Variants in CDH3 observed in about 807,000 individuals in gnomAD.
CDH3 encodes cadherin-3.
In CDH3, 54 loss-of-function variants were observed where a neutral mutation model predicts 82.0. The observed-to-expected ratio is 0.66, with a 90% CI of 0.53 to 0.83. CDH3 has a LOEUF of 0.83. Ranked by LOEUF, CDH3 falls within the 40% of genes least tolerant of loss-of-function variation. The pLI is 0.00. For synonymous variants in CDH3, 446 were observed against 437.9 expected (o/e 1.02, Z -0.23); for missense variants, 1,054 against 1,084.6 (o/e 0.97, Z 0.40).
At position 68,684,809 on chromosome 16, in the gene CDH3, A is replaced by G; in HGVS notation, c.1409A>G (p.Glu470Gly). 6.2e-7 allele frequency: 1 copy of G among 1,614,210 alleles called. No individual in the cohort carries two copies. The highest frequency in any genetic ancestry group is 8.5e-7 in the Non-Finnish European group (1 of 1,180,046). ...TACACTGCAGAAGACCCTGACAAGG[A>G]GAATCAAAAGATCAGGTACTCAGGA... ...CVYTAEDPDK[E>G]NQKISYRILR... Residue 470 changes from glutamate (E) to glycine (G), a missense_variant, in exon 10 of 16, where the codon GAG (glutamate) becomes GGG (glycine). Physicochemically the swap from Glu to Gly is moderately conservative, Grantham distance 98. Coordinates refer to ENST00000264012, the MANE Select transcript of CDH3 (RefSeq NM_001793.6).
chr16:68,691,497 G>T (rs1961572638), intron 12 of CDH3, among the ~76,000 whole-genome samples: 1 of 152,122 alleles, frequency 6.6e-6, no homozygotes, highest in Non-Finnish European at 1.5e-5. Context: ...TTTTTTAAAA[G>T]TAAAATGACA....
intron 2 of CDH3, among the ~76,000 whole-genome samples, chr16:68,672,538 A>G (rs2152097440): frequency 6.6e-6 from 1 of 152,314 alleles, no homozygotes; most frequent in Middle Eastern, 3.4e-3. Flanking sequence ...ATGAGTCTAC[A>G]AAGCTGTGTG....
At chr16:68,722,412 G>T (rs1482391666) in intron 1 of CDH3, 1 of 152,178 alleles carries the variant, frequency 6.6e-6, no homozygotes, top group African/African-American at 2.4e-5. Flanking sequence ...TGGAACCCTT[G>T]TCCTTTGCCC....
intron 1 of CDH3, among the ~76,000 whole-genome samples, chr16:68,712,115 G>T (rs1195849700): frequency 7.1e-6 from 1 of 140,662 alleles, no homozygotes; most frequent in Non-Finnish European, 1.5e-5. Context: ...CCAGCTCACT[G>T]CAGCCTCAAC....
At chr16:68,663,797 C>A (rs1201256028) in intron 2 of CDH3, among the ~76,000 whole-genome samples, 2 of 151,566 alleles carry the variant, frequency 1.3e-5, no homozygotes, top group Non-Finnish European at 2.9e-5. Context: ...TTTTTTTAAT[C>A]AGATATTTTA....
At chr16:68,687,100 A>G (rs183608111) in intron 11 of CDH3, among the ~76,000 whole-genome samples, 30 of 152,344 alleles carry the variant, frequency 2.0e-4, no homozygotes, top group African/African-American at 7.2e-4. Context: ...ATGACAGATT[A>G]GTGATGCCAC....
At chr16:68,653,250 TA>T (rs371130758) in intron 2 of CDH3, among the ~76,000 whole-genome samples, 32,761 of 150,710 alleles carry the variant, frequency 0.22, 3,865 homozygotes, top group African/African-American at 0.27. Flanking sequence ...TATTTTATTT[TA>T]TTTTTGAGAC....
In CDH3 at chr16:68,698,265, C is replaced by G. The variant is rs367881003; in HGVS notation, c.2355C>G (p.Ser785Arg). The G allele has an allele frequency of 2.5e-6, 4 of 1,614,230 alleles. No homozygotes were observed. Among genetic ancestry groups the G allele is most frequent in the Non-Finnish European group, 3.4e-6 (4 of 1,180,034 alleles). ...DTLLVFDYEG[S>R]GSDAASLSSL... ...TCTTGGTGTTCGACTATGAGGGCAG[C>G]GGCTCCGACGCCGCGTCCCTGAGCT... Residue 785 changes from serine to arginine, a missense_variant, in exon 16 of 16, where the codon AGC becomes AGG. By Grantham distance (110) the Ser-to-Arg change is moderately radical. Coordinates refer to ENST00000264012, the MANE Select transcript of CDH3 (RefSeq NM_001793.6).
At chr16:68,726,433 C>T (rs139326391) in intron 2 of CDH3, among the ~76,000 whole-genome samples, 144 of 152,200 alleles carry the variant, frequency 9.5e-4, no homozygotes, top group African/African-American at 3.4e-3. Flanking sequence ...CTATTTCTTG[C>T]TAAATTAAGC....
intron 5 of CDH3, 22 bp from the exon 6 acceptor site, chr16:68,678,740 C>T: frequency 1.2e-6 from 2 of 1,614,148 alleles, no homozygotes; most frequent in Non-Finnish European, 1.7e-6. Context: ...CCGGGCTGAC[C>T]CCAGAGCTGT....
At chr16:68,657,758 G>A (rs910685911) in intron 2 of CDH3, among the ~76,000 whole-genome samples, 1 of 152,168 alleles carries the variant, frequency 6.6e-6, no homozygotes, top group African/African-American at 2.4e-5. Context: ...ATGGGGAATG[G>A]GGAGGTATAA....
downstream of CDH3, among the ~76,000 whole-genome samples, chr16:68,704,114 G>A (rs1164125686): frequency 4.6e-5 from 7 of 151,370 alleles, no homozygotes; most frequent in South Asian, 6.2e-4. Context: ...GTGAAACCCC[G>A]TCTCTACTAA....
chr16:68,678,492 TCCCTC>T lies in CDH3; in HGVS notation c.391-7_391-3del, dbSNP rs777732049. On this transcript the variant is annotated splice_region_variant and splice_polypyrimidine_tract_variant and intron_variant, in intron 4 of 15. Coordinates refer to ENST00000264012, the MANE Select transcript of CDH3 (RefSeq NM_001793.6). ...TACTTTGTCAGCTGCCATTTTCTTT[TCCCTC>T]CAGCTCAAGTCTAATAAAGATAGAG... The T allele has an allele frequency of 3.1e-6, 5 of 1,614,126 alleles. No homozygotes were observed. Among genetic ancestry groups the T allele is most frequent in the Non-Finnish European group, 4.2e-6 (5 of 1,180,048 alleles).
intron 12 of CDH3, among the ~76,000 whole-genome samples, chr16:68,688,650 G>A (rs914598055): frequency 1.3e-5 from 2 of 150,962 alleles, no homozygotes; most frequent in African/African-American, 4.9e-5. Context: ...GTTTTGAGAC[G>A]GAGTCTCACT....
intron 2 of CDH3, among the ~76,000 whole-genome samples, chr16:68,666,171 T>C (rs1222484848): frequency 6.6e-6 from 1 of 151,654 alleles, no homozygotes; most frequent in Non-Finnish European, 1.5e-5. Context: ...CTCTTCTGCT[T>C]GGCTGGGTCA....
intron 2 of CDH3, among the ~76,000 whole-genome samples, chr16:68,673,360 G>A (rs1960939727): frequency 6.6e-6 from 1 of 152,008 alleles, no homozygotes; most frequent in South Asian, 2.1e-4. Context: ...GTGCAACATC[G>A]CCATTATCTA....
intron 1 of CDH3, among the ~76,000 whole-genome samples, chr16:68,714,634 C>A (rs1056340209): frequency 1.3e-4 from 20 of 152,204 alleles, no homozygotes; most frequent in Non-Finnish European, 1.2e-4. Flanking sequence ...TGATCTCGCC[C>A]ACCGAAGGTC....
At chr16:68,709,734 C>T (rs922004027) in intron 1 of CDH3, among the ~76,000 whole-genome samples, 2 of 152,208 alleles carry the variant, frequency 1.3e-5, no homozygotes, top group African/African-American at 4.8e-5. Context: ...CGTGAGCCAC[C>T]GCGCCTGGCC....
chr16:68,646,049 C>T (rs1050853954), intron 2 of CDH3: 2 of 452,886 alleles, frequency 4.4e-6, no homozygotes, highest in East Asian at 4.2e-5. Context: ...AAGTTCTCCC[C>T]CGCTGGCCCC....
Sources: gnomAD v4.1 joint callset for allele counts (sites outside exome capture counted in the v4.1 genomes callset) on GRCh38, gnomAD v4.1.1 for gene constraint, MANE v1.5 for transcripts, NCBI Gene and HGNC (gene_info 2026-07-23, HGNC 2026-07-21) for gene names.